RABGAP1L: variants seen among roughly 807,000 people sequenced by gnomAD.
RABGAP1L encodes RAB GTPase activating protein 1 like.
A neutral mutation model predicts 137.7 loss-of-function variants in RABGAP1L; 63 were observed. The observed-to-expected ratio is 0.46, with a 90% CI of 0.37 to 0.56. The LOEUF (loss-of-function observed/expected upper bound fraction) is 0.56. Among genes scored for constraint, RABGAP1L ranks in the 20% least tolerant of loss-of-function variants. The probability of loss-of-function intolerance (pLI) is 0.00; values close to 1 mark genes in which losing one functional copy is unlikely to be tolerated. For synonymous variants in RABGAP1L, 431 were observed against 433.7 expected (o/e 0.99, Z 0.08); for missense variants, 1,095 against 1,244.0 (o/e 0.88, Z 1.80).
At position 174,231,351 on chromosome 1, in the gene RABGAP1L, G is replaced by A; in HGVS notation, c.538G>A (p.Val180Met). Reference sequence around the variant, plus strand: ...TGTACCAAATGTTCCAGAAGGTTCTGTGAGGTAAGCTCTAATTTGTTTTTC... The same window carrying A: ...TGTACCAAATGTTCCAGAAGGTTCTATGAGGTAAGCTCTAATTTGTTTTTC... ...LYVPNVPEGS[V>M]RIIDQSSNVE... The change falls in exon 4 of 26, where the codon GTG becomes ATG. Residue 180 changes from valine to methionine, a missense_variant. Around this residue, in one of 4 missense-constraint regions of RABGAP1L, gnomAD observed 356 missense variants for 326.3 expected, o/e 1.09. Coordinates refer to ENST00000681986, the MANE Select transcript of RABGAP1L (RefSeq NM_001366446.1). 6.2e-7 allele frequency: 1 copy of A among 1,613,170 alleles called. No individual in the cohort carries two copies. Among genetic ancestry groups the A allele is most frequent in the South Asian group, 1.1e-5 (1 of 91,070 alleles).
chr1:174,456,969 T>A (rs1656103208), intron 13 of RABGAP1L, among the ~76,000 whole-genome samples: 1 of 152,160 alleles, frequency 6.6e-6, no homozygotes, highest in Admixed American at 6.5e-5. Context: ...TTGACTATGC[T>A]ATGTTAAGGG....
At chr1:174,812,001 G>C (rs1689917946) in intron 19 of RABGAP1L, 41 bp downstream of exon 19, 1 of 1,518,302 alleles carries the variant, frequency 6.6e-7, no homozygotes, top group East Asian at 2.3e-5. Context: ...TAAAATATGA[G>C]TGCAGAATAA....
In RABGAP1L at chr1:174,833,466, A is replaced by ATATATATATATATATATATATATATATAT. The variant is rs71117580; in HGVS notation, c.2340+21508_2340+21509insTATATATATATATATATATATATATATTA. ...TGTGTAGAGATATATATATATATATATAGTAGAGACAGGGTTCTGTCATGT... is the reference window on the plus strand; with the variant it reads ...TGTGTAGAGATATATATATATATATATATATATATATATATATATATATATATATTAGTAGAGACAGGGTTCTGTCATGT... On this transcript the variant is annotated intron_variant, in intron 19 of 25. Coordinates refer to ENST00000681986, the MANE Select transcript of RABGAP1L (RefSeq NM_001366446.1). Among the ~76,000 whole-genome samples the ATATATATATATATATATATATATATATAT allele has an allele frequency of 3.2e-3, 194 of 61,112 alleles. 23 individuals are homozygous for ATATATATATATATATATATATATATATAT. Among genetic ancestry groups the ATATATATATATATATATATATATATATAT allele is most frequent in the Non-Finnish European group, 3.8e-3 (94 of 24,630 alleles). The allele number at this position is 61,112 out of a possible 152,430, so 40.1% of individuals were successfully genotyped here. A position where few individuals can be genotyped will look rare whatever the true frequency, so the allele number is the denominator to read the frequency against.
chr1:174,859,204 G>A lies in RABGAP1L; in HGVS notation c.2340+47244G>A, dbSNP rs562431968. Among the ~76,000 whole-genome samples the A allele has an allele frequency of 7.8e-4, 119 of 152,250 alleles. 1 individual carries two copies. Among genetic ancestry groups the A allele is most frequent in the African/African-American group, 2.7e-3 (111 of 41,566 alleles). On this transcript the variant is annotated intron_variant, in intron 19 of 25. Coordinates refer to ENST00000681986, the MANE Select transcript of RABGAP1L (RefSeq NM_001366446.1). ...GACTGTTTAAAGAAAATGTGAGGCC[G>A]AGCGTGGTGGCTCACGCCTTTAATC... is the stretch of plus-strand genomic sequence containing the variant.
intron 13 of RABGAP1L, among the ~76,000 whole-genome samples, chr1:174,439,356 G>A (rs1447630894): frequency 1.3e-5 from 2 of 152,178 alleles, no homozygotes; most frequent in South Asian, 2.1e-4. Flanking sequence ...GCTCTTGAGC[G>A]GTCACTAAAT....
At position 174,975,127 on chromosome 1, in the gene RABGAP1L, A is replaced by C. The variant is rs116750171; in HGVS notation, c.2545-951A>C. Among the ~76,000 whole-genome samples, 1,349 of 152,354 alleles carry C rather than the reference A, an allele frequency of 8.9e-3. 23 individuals carry two copies. The highest frequency in any genetic ancestry group is 0.031 in the African/African-American group (1,299 of 41,580). On this transcript the variant is annotated intron_variant, in intron 21 of 25. Coordinates refer to ENST00000681986, the MANE Select transcript of RABGAP1L (RefSeq NM_001366446.1). ...TTCATTCACCAAGTACTTAGGGAGCACCTATTCTGTACTTGGCATTGGGCT... is the reference window on the plus strand; with the variant it reads ...TTCATTCACCAAGTACTTAGGGAGCCCCTATTCTGTACTTGGCATTGGGCT...
chr1:174,197,220 T>G (rs1050228214), intron 1 of RABGAP1L, among the ~76,000 whole-genome samples: 1 of 152,212 alleles, frequency 6.6e-6, no homozygotes, highest in African/African-American at 2.4e-5. Flanking sequence ...AGTTGAAGTT[T>G]AGAGATTTAC....
At chr1:174,255,715 G>A (rs1291884548) in intron 7 of RABGAP1L, among the ~76,000 whole-genome samples, 1 of 152,064 alleles carries the variant, frequency 6.6e-6, no homozygotes, top group East Asian at 1.9e-4. Flanking sequence ...TAGTAGTGAT[G>A]GGGTTTCACC....
At position 174,948,120 on chromosome 1, in the gene RABGAP1L, CT is replaced by C. The variant is rs1313754674; in HGVS notation, c.2341-9335del. Among the ~76,000 whole-genome samples the C allele has an allele frequency of 2.0e-5, 3 of 151,534 alleles. No homozygotes were observed. In the East Asian group the frequency reaches 5.8e-4, roughly 29 times the overall value. ...GAGTAGCTTTGTAAAGATAAAGGTA[CT>C]TGAACAAAAAAAAAATGAGAAAGAA... On this transcript the variant is annotated intron_variant, in intron 19 of 25. Coordinates refer to ENST00000681986, the MANE Select transcript of RABGAP1L (RefSeq NM_001366446.1).
At chr1:174,636,189 G>T (rs946468490) in intron 13 of RABGAP1L, among the ~76,000 whole-genome samples, 2 of 152,142 alleles carry the variant, frequency 1.3e-5, no homozygotes, top group African/African-American at 4.8e-5. Context: ...TCAATTTGGG[G>T]TTTTGGTTTC....
chr1:174,954,783 TC>T (rs1338622144), intron 19 of RABGAP1L, among the ~76,000 whole-genome samples: 3 of 152,146 alleles, frequency 2.0e-5, no homozygotes, highest in Admixed American at 6.5e-5. Flanking sequence ...CTTTAGCTGC[TC>T]CCCTTGGCCC....
At chr1:174,933,098 A>G (rs947197722) in intron 19 of RABGAP1L, among the ~76,000 whole-genome samples, 1 of 152,090 alleles carries the variant, frequency 6.6e-6, no homozygotes, top group Non-Finnish European at 1.5e-5. Context: ...ATACATGCAT[A>G]CATACATACA....
chr1:174,786,026 C>T (rs963284659), intron 18 of RABGAP1L, among the ~76,000 whole-genome samples: 3 of 152,034 alleles, frequency 2.0e-5, no homozygotes, highest in Non-Finnish European at 4.4e-5. Flanking sequence ...GTGTGTATAC[C>T]ATCTGGCTAA....
chr1:174,218,218 A>C (rs1558040461), intron 1 of RABGAP1L, among the ~76,000 whole-genome samples: 1 of 152,126 alleles, frequency 6.6e-6, no homozygotes, highest in East Asian at 1.9e-4. Flanking sequence ...ACTGTTTGTC[A>C]CATTAACGTG....
intron 19 of RABGAP1L, among the ~76,000 whole-genome samples, chr1:174,869,265 G>A (rs1393281711): frequency 1.3e-5 from 2 of 152,054 alleles, no homozygotes; most frequent in Non-Finnish European, 2.9e-5. Flanking sequence ...ATCTCAAATT[G>A]TAATCCCCAC....
In RABGAP1L at chr1:174,767,880, A is replaced by T. The variant is rs529511623; in HGVS notation, c.2211+15526A>T. ...AATCATGCCTGAAGGTGAAAGGCAC[A>T]TCTCACGCGGCTGTGGCAAGAGAGA... is the stretch of plus-strand genomic sequence containing the variant. On this transcript the variant is annotated intron_variant, in intron 18 of 25. Transcript: ENST00000681986. Among the ~76,000 whole-genome samples, 124 of 152,310 alleles carry T rather than the reference A, an allele frequency of 8.1e-4. 1 individual carries two copies. In the South Asian group the frequency reaches 0.024, roughly 29 times the overall value.
chr1:174,702,184 G>GT lies in RABGAP1L; in HGVS notation c.2100dup (p.Leu701SerfsTer18). 6.2e-7 allele frequency: 1 copy of GT among 1,612,172 alleles called. No individual in the cohort carries two copies. The highest frequency in any genetic ancestry group is 8.5e-7 in the Non-Finnish European group (1 of 1,178,834). On this transcript the variant is annotated frameshift_variant, in exon 17 of 26. Coordinates refer to ENST00000681986, the MANE Select transcript of RABGAP1L (RefSeq NM_001366446.1). LOFTEE classifies it high-confidence loss of function. ...AAGCTCATATGTATGCATCCCAGTG[G>GT]TTTCTCACTCTTTTTACTGCCAAGT...
intron 1 of RABGAP1L, among the ~76,000 whole-genome samples, chr1:174,208,130 C>G (rs1453159062): frequency 1.3e-5 from 2 of 151,954 alleles, no homozygotes; most frequent in African/African-American, 2.4e-5. Flanking sequence ...TCAATTTTTC[C>G]CTTGCTATTG....
At chr1:174,927,147 T>A (rs1027492780) in intron 19 of RABGAP1L, among the ~76,000 whole-genome samples, 2 of 152,142 alleles carry the variant, frequency 1.3e-5, no homozygotes, top group Admixed American at 6.5e-5. Flanking sequence ...GGAACATTTT[T>A]AAGATTTCAC....
Sources: gnomAD v4.1 joint callset for allele counts (sites outside exome capture counted in the v4.1 genomes callset) on GRCh38, gnomAD v4.1.1 for gene constraint, gnomAD v4.1.1 regional missense constraint, MANE v1.5 for transcripts, NCBI Gene and HGNC (gene_info 2026-07-23, HGNC 2026-07-21) for gene names.